The following PIEZO2 variants were observed in gnomAD, a reference collection of about 807,000 sequenced individuals.
PIEZO2 encodes piezo-type mechanosensitive ion channel component 2.
PIEZO2 carries 172 observed loss-of-function variants against 337.3 expected under a neutral mutation model. That is an observed-to-expected ratio of 0.51 (90% CI 0.45 to 0.58). The LOEUF is 0.58. PIEZO2 is among the 20% of genes least tolerant of loss of function. The pLI is 0.00. For synonymous variants in PIEZO2, 1,251 were observed against 1,228.5 expected, an observed-to-expected ratio of 1.02 and a Z score of -0.38; for missense variants, 3,028 against 3,391.3, an observed-to-expected ratio of 0.89 and a Z score of 2.66.
At position 10,894,412 on chromosome 18, in the gene PIEZO2, C is replaced by T. The variant is rs913043933; in HGVS notation, c.329+16774G>A. 1.3e-5 allele frequency: 2 copies of T among 152,270 alleles called. No homozygotes were observed. The highest frequency in any genetic ancestry group is 1.9e-4 in the East Asian group (1 of 5,182). 9.4% of individuals were successfully genotyped at this position (152,270 alleles called of 1,614,324 possible). A position where few individuals can be genotyped will look rare whatever the true frequency, so the allele number is the denominator to read the frequency against. On this transcript the variant is annotated intron_variant, in intron 4 of 55. Coordinates refer to ENST00000674853, the MANE Select transcript of PIEZO2 (RefSeq NM_001378183.1). This position sits in a 1 kb window ranked among gnomAD's most constrained non-coding sequence, Gnocchi z 4.1. ...GAGCTGGCAGTGAGCTGAGATCACC[C>T]CACTTAACTCCAGCCTGGGCAATAA...
At chr18:11,018,046 A>G (rs753047095) in intron 2 of PIEZO2, among the ~76,000 whole-genome samples, 1 of 152,136 alleles carries the variant, frequency 6.6e-6, no homozygotes, top group Non-Finnish European at 1.5e-5. Context: ...AAAGTCTGCA[A>G]TTAAGGTGTC....
At chr18:10,831,378 T>G (rs1277118532) in intron 7 of PIEZO2, among the ~76,000 whole-genome samples, 1 of 152,132 alleles carries the variant, frequency 6.6e-6, no homozygotes, top group Admixed American at 6.5e-5. Flanking sequence ...TGCAGCAACA[T>G]GGATGGAACT....
At chr18:10,922,043 G>T (rs4432310) in intron 3 of PIEZO2, among the ~76,000 whole-genome samples, 66,285 of 151,934 alleles carry the variant, frequency 0.44, 14,839 homozygotes, top group East Asian at 0.6. Context: ...TTTTGCCCCG[G>T]TCCTGTGGTC....
At chr18:11,056,987 T>A (rs1185512077) in intron 2 of PIEZO2, among the ~76,000 whole-genome samples, 1 of 152,234 alleles carries the variant, frequency 6.6e-6, no homozygotes, top group Non-Finnish European at 1.5e-5. Context: ...GTGCATTGAA[T>A]GAAGACTGAA....
chr18:11,070,309 C>T lies in PIEZO2; in HGVS notation c.65-4087G>A, dbSNP rs2038293798. ...AATACGGCACTATAATCTTAGGGGA[C>T]CAACCCCACAGACTGTCAACATTCC... On this transcript the variant is annotated intron_variant, in intron 1 of 55. Coordinates refer to ENST00000674853, the MANE Select transcript of PIEZO2 (RefSeq NM_001378183.1). This position sits in a 1 kb window ranked among gnomAD's most constrained non-coding sequence, Gnocchi z 4.3. 6.6e-6 allele frequency among the ~76,000 whole-genome samples: 1 copy of T among 152,088 alleles called. No homozygotes were observed. The highest frequency in any genetic ancestry group is 2.1e-4 in the South Asian group (1 of 4,828).
Position 10,684,239 on chromosome 18 carries a change from C to G in PIEZO2, c.7498-1947G>C, listed in dbSNP as rs867286244. On this transcript the variant is annotated intron_variant, in intron 49 of 55. Transcript: ENST00000674853. ...GGAGTGCAGTGGCGCGATCTTGGCT[C>G]ACTGCAAGCTCCACCTCCTGGGTTC... 2.2e-4 allele frequency among the ~76,000 whole-genome samples: 30 copies of G among 136,596 alleles called. 1 individual carries two copies. Among genetic ancestry groups the G allele is most frequent in the African/African-American group, 8.3e-4 (29 of 34,992 alleles). The allele number at this position is 136,596 out of a possible 152,430, so 89.6% of individuals were successfully genotyped here.
At position 10,973,244 on chromosome 18, in the gene PIEZO2, C is replaced by T. The variant is rs562862335; in HGVS notation, c.286+6291G>A. Among the ~76,000 whole-genome samples, 5 of 152,314 alleles carry T rather than the reference C, an allele frequency of 3.3e-5. No homozygotes were observed. Among genetic ancestry groups the T allele is most frequent in the East Asian group, 3.9e-4 (2 of 5,176 alleles). ...GCAGTGCTACCACTCAGCTCGCCTTCGTGCCTGTGTCTAGCTTTTGGCAGT... is the reference window on the plus strand; with the variant it reads ...GCAGTGCTACCACTCAGCTCGCCTTTGTGCCTGTGTCTAGCTTTTGGCAGT... On this transcript the variant is annotated intron_variant, in intron 3 of 55. Coordinates refer to ENST00000674853, the MANE Select transcript of PIEZO2 (RefSeq NM_001378183.1). The surrounding 1 kb of genome is among the most constrained non-coding windows in gnomAD (Gnocchi z 4.9).
At chr18:10,866,689 C>G (rs1405894272) in intron 5 of PIEZO2, among the ~76,000 whole-genome samples, 2 of 152,166 alleles carry the variant, frequency 1.3e-5, no homozygotes, top group Admixed American at 1.3e-4. Context: ...ATGCTCTCAC[C>G]TGGTGACCAG....
At chr18:10,913,730 G>A (rs1322449479) in intron 3 of PIEZO2, among the ~76,000 whole-genome samples, 1 of 151,944 alleles carries the variant, frequency 6.6e-6, no homozygotes, top group Non-Finnish European at 1.5e-5. Context: ...AAAAGGTTTC[G>A]ATGCAAGACA....
intron 39 of PIEZO2, among the ~76,000 whole-genome samples, chr18:10,712,636 C>A (rs770440878): frequency 6.6e-6 from 1 of 152,198 alleles, no homozygotes; most frequent in Non-Finnish European, 1.5e-5. Flanking sequence ...GACACAGTGA[C>A]GCTCTGGTAA....
rs1273933118 is a variant in PIEZO2, at chr18:11,048,794, C to T, written c.160+17333G>A. 6.6e-6 allele frequency among the ~76,000 whole-genome samples: 1 copy of T among 152,200 alleles called. No homozygotes were observed. The highest frequency in any genetic ancestry group is 2.4e-5 in the African/African-American group (1 of 41,444). On this transcript the variant is annotated intron_variant, in intron 2 of 55. Transcript: ENST00000674853. This position sits in a 1 kb window ranked among gnomAD's most constrained non-coding sequence, Gnocchi z 4.5. ...ATTAAATGAATTACTATGTAGAAAGCTTGGGACAGTTGCCTGGCATATAGC... is the reference window on the plus strand; with the variant it reads ...ATTAAATGAATTACTATGTAGAAAGTTTGGGACAGTTGCCTGGCATATAGC...
intron 3 of PIEZO2, among the ~76,000 whole-genome samples, chr18:10,972,080 G>A (rs1203109383): frequency 1.3e-5 from 2 of 150,970 alleles, no homozygotes; most frequent in Admixed American, 1.3e-4. Flanking sequence ...ATCACTTGAG[G>A]TCAAGAGTTT....
At chr18:10,777,297 G>A (rs893720464) in intron 18 of PIEZO2, among the ~76,000 whole-genome samples, 2 of 152,164 alleles carry the variant, frequency 1.3e-5, no homozygotes, top group African/African-American at 2.4e-5. Flanking sequence ...ATTTGTTTGT[G>A]TCTTCACTCA....
chr18:10,780,589 C>T (rs77266446), intron 17 of PIEZO2, among the ~76,000 whole-genome samples: 305 of 151,668 alleles, frequency 2.0e-3, no homozygotes, highest in Middle Eastern at 3.4e-3. Context: ...TAAAAGATAA[C>T]AAGCCTCTCC....
intron 2 of PIEZO2, among the ~76,000 whole-genome samples, chr18:10,990,349 A>G (rs1177414734): frequency 6.6e-6 from 1 of 152,148 alleles, no homozygotes; most frequent in Non-Finnish European, 1.5e-5. Flanking sequence ...AACAAATAAG[A>G]GTAACTAAAT....
In PIEZO2 at chr18:10,857,141, A is replaced by G; in HGVS notation, c.563T>C (p.Val188Ala). 1 of 1,537,856 alleles carries G rather than the reference A, an allele frequency of 6.5e-7. No individual in the cohort carries two copies. The highest frequency in any genetic ancestry group is 8.7e-7 in the Non-Finnish European group (1 of 1,147,046). Residue 188 changes from valine to alanine, a missense_variant, in exon 6 of 56, where the codon GTT (valine) becomes GCT (alanine). By Grantham distance (64) the Val-to-Ala change is moderately conservative. This residue lies in a region of PIEZO2 where 542 missense variants were observed against 605.6 expected (regional missense o/e 0.89). Transcript: ENST00000674853. ...YEEDFNGGDG[V>A]EGELEESTKL... is the part of the protein sequence containing the mutation. ...CGTGCTTTCTTCCAACTCGCCTTCA[A>G]CACCATCTCCTCCATTGAAATCCTC...
chr18:10,689,549 T>C, intron 49 of PIEZO2, 106 bp downstream of exon 49: 1 of 1,475,768 alleles, frequency 6.8e-7, no homozygotes, highest in Middle Eastern at 1.8e-4. Flanking sequence ...GTTGTGGTAG[T>C]TTTTGCCTCA....
chr18:10,871,449 T>C, intron 4 of PIEZO2, 34 bp from the exon 5 acceptor site: 3 of 1,514,608 alleles, frequency 2.0e-6, no homozygotes, highest in Non-Finnish European at 2.6e-6. Flanking sequence ...GGGAAAAAAA[T>C]TTAGTTCTTA....
intron 47 of PIEZO2, among the ~76,000 whole-genome samples, chr18:10,694,104 AG>A (rs2034980673): frequency 6.6e-6 from 1 of 152,154 alleles, no homozygotes; most frequent in African/African-American, 2.4e-5. Context: ...CTCAGGAAAA[AG>A]TATCCCAATT....
Sources: gnomAD v4.1 joint callset for allele counts (sites outside exome capture counted in the v4.1 genomes callset) on GRCh38, gnomAD v4.1.1 for gene constraint, gnomAD v4.1.1 regional missense constraint, Gnocchi (gnomAD v3.1) non-coding constraint, MANE v1.5 for transcripts, NCBI Gene and HGNC (gene_info 2026-07-23, HGNC 2026-07-21) for gene names.